Variants in SMYD3 observed in about 807,000 individuals in gnomAD.
SMYD3 encodes the protein histone-lysine N-methyltransferase SMYD3.
SMYD3 carries 36 observed loss-of-function variants against 57.7 expected under a neutral mutation model. The ratio of observed to expected loss-of-function variants is 0.62; its 90% CI spans 0.48 to 0.82. SMYD3 has a LOEUF of 0.82. SMYD3 is among the 40% of genes least tolerant of loss of function. SMYD3 has a pLI of 0.00. For missense variants in SMYD3, 515 were observed against 538.8 expected, an observed-to-expected ratio of 0.96 and a Z score of 0.44; for synonymous variants, 211 against 195.0, an observed-to-expected ratio of 1.08 and a Z score of -0.68.
intron 5 of SMYD3, among the ~76,000 whole-genome samples, chr1:246,247,463 CTCTA>C (rs71675748): frequency 0.13 from 13,651 of 104,892 alleles, 835 homozygotes; most frequent in East Asian, 0.26. Context: ...CTCTCTCTCT[CTCTA>C]TATATATATA....
chr1:246,302,881 T>A (rs1331061826), intron 5 of SMYD3, among the ~76,000 whole-genome samples: 1 of 151,960 alleles, frequency 6.6e-6, no homozygotes. Flanking sequence ...GACTCAGAGG[T>A]TACTTAAATG....
intron 5 of SMYD3, among the ~76,000 whole-genome samples, chr1:246,190,005 T>A (rs2062706135): frequency 6.6e-6 from 1 of 152,220 alleles, no homozygotes; most frequent in Admixed American, 6.5e-5. Context: ...TTGTGGAGTC[T>A]AATTTATTTC....
intron 5 of SMYD3, among the ~76,000 whole-genome samples, chr1:246,311,733 T>C (rs532369038): frequency 9.8e-5 from 15 of 152,350 alleles, no homozygotes; most frequent in Admixed American, 8.5e-4. Context: ...TTCATGACCC[T>C]CCTTCGTGTA....
chr1:245,821,003 T>C (rs1173764784), intron 10 of SMYD3, among the ~76,000 whole-genome samples: 4 of 151,092 alleles, frequency 2.6e-5, no homozygotes, highest in Non-Finnish European at 5.9e-5. Flanking sequence ...GCCATCCCCA[T>C]GAAGCTACCA....
chr1:246,231,574 A>G (rs2063409639), intron 5 of SMYD3, among the ~76,000 whole-genome samples: 1 of 152,256 alleles, frequency 6.6e-6, no homozygotes, highest in Admixed American at 6.5e-5. Context: ...CAGAAAAAAG[A>G]AGTTACTTTC....
At position 246,040,574 on chromosome 1, in the gene SMYD3, G is replaced by A. The variant is rs550598978; in HGVS notation, c.532-110637C>T. Reference sequence around the variant, plus strand: ...AGAGAAACAATTTAAGTTTAGCCACGTGGGGATAAATCCTTCTGGATGTCA... The same window carrying A: ...AGAGAAACAATTTAAGTTTAGCCACATGGGGATAAATCCTTCTGGATGTCA... On this transcript the variant is annotated intron_variant, in intron 5 of 11. Transcript: ENST00000490107. 1.8e-3 allele frequency among the ~76,000 whole-genome samples: 279 copies of A among 152,310 alleles called. 1 individual carries two copies. Among genetic ancestry groups the A allele is most frequent in the Non-Finnish European group, 2.4e-3 (164 of 68,032 alleles).
chr1:245,944,596 C>T (rs1019409215), intron 5 of SMYD3, among the ~76,000 whole-genome samples: 7 of 152,272 alleles, frequency 4.6e-5, no homozygotes, highest in Non-Finnish European at 8.8e-5. Flanking sequence ...ATGCTATTCC[C>T]ATTAAACTAC....
At chr1:246,051,095 A>G (rs910769892) in intron 5 of SMYD3, among the ~76,000 whole-genome samples, 1 of 151,934 alleles carries the variant, frequency 6.6e-6, no homozygotes, top group Non-Finnish European at 1.5e-5. Context: ...ATGTTTGTTA[A>G]GCAGAGCTTA....
intron 8 of SMYD3, among the ~76,000 whole-genome samples, chr1:245,908,777 C>A (rs2054756947): frequency 6.6e-6 from 1 of 152,040 alleles, no homozygotes. Context: ...TGAAAATGGA[C>A]ATACAACATA....
intron 5 of SMYD3, among the ~76,000 whole-genome samples, chr1:245,954,538 T>C (rs1419243666): frequency 1.3e-5 from 2 of 152,142 alleles, no homozygotes; most frequent in African/African-American, 4.8e-5. Context: ...TAGCCGAGCA[T>C]GCTGGCAGGC....
At chr1:246,319,803 T>C (rs373767164) in intron 5 of SMYD3, among the ~76,000 whole-genome samples, 2 of 152,332 alleles carry the variant, frequency 1.3e-5, no homozygotes, top group South Asian at 4.1e-4. Flanking sequence ...AAAAGCTGAA[T>C]ATAACATGAT....
At chr1:246,269,121 T>C (rs1468753019) in intron 5 of SMYD3, among the ~76,000 whole-genome samples, 2 of 152,170 alleles carry the variant, frequency 1.3e-5, no homozygotes, top group African/African-American at 4.8e-5. Flanking sequence ...CACCATACCA[T>C]CTAAAATGTA....
At chr1:246,197,055 A>G (rs2062838837) in intron 5 of SMYD3, among the ~76,000 whole-genome samples, 1 of 152,236 alleles carries the variant, frequency 6.6e-6, no homozygotes, top group South Asian at 2.1e-4. Context: ...AATCAACTGA[A>G]AAAGTTCCCT....
At chr1:245,954,934 G>T (rs943963631) in intron 5 of SMYD3, among the ~76,000 whole-genome samples, 15 of 151,778 alleles carry the variant, frequency 9.9e-5, no homozygotes, top group African/African-American at 3.6e-4. Flanking sequence ...AGAGAAACAG[G>T]AGATCTACCC....
chr1:246,328,289 A>G (rs1049858547), intron 4 of SMYD3, among the ~76,000 whole-genome samples: 2 of 152,210 alleles, frequency 1.3e-5, no homozygotes, highest in African/African-American at 2.4e-5. Context: ...TCTAACGCCA[A>G]TACTACCCCC....
chr1:246,037,205 T>G (rs76334632), intron 5 of SMYD3, among the ~76,000 whole-genome samples: 5 of 152,228 alleles, frequency 3.3e-5, no homozygotes, highest in Non-Finnish European at 7.3e-5. Context: ...GAATTTATAA[T>G]TTTGAAAGAT....
chr1:246,233,683 C>T (rs1400743546), intron 5 of SMYD3, among the ~76,000 whole-genome samples: 428 of 135,546 alleles, frequency 3.2e-3, no homozygotes, highest in Non-Finnish European at 3.9e-3. Flanking sequence ...GAGAAGCACT[C>T]CTTCAATTCA....
At chr1:245,938,341 C>A (rs2057067262) in intron 5 of SMYD3, among the ~76,000 whole-genome samples, 1 of 152,188 alleles carries the variant, frequency 6.6e-6, no homozygotes, top group African/African-American at 2.4e-5. Flanking sequence ...CCTTGGGGGG[C>A]CACTCCTTCT....
rs1011468408 is a variant in SMYD3, at chr1:246,203,389, C to T, written c.531+123812G>A. ...ACGCCAGCACCTCCCCATGGTTGTTCGCTAGAGCTGCCATAACAGAATACT... is the reference window on the plus strand; with the variant it reads ...ACGCCAGCACCTCCCCATGGTTGTTTGCTAGAGCTGCCATAACAGAATACT... On this transcript the variant is annotated intron_variant, in intron 5 of 11. Coordinates refer to ENST00000490107, the MANE Select transcript of SMYD3 (RefSeq NM_001167740.2). The surrounding 1 kb of genome is among the most constrained non-coding windows in gnomAD (Gnocchi z 4.6). Among the ~76,000 whole-genome samples, 3 of 152,196 alleles carry T rather than the reference C, an allele frequency of 2.0e-5. No individual in the cohort carries two copies. Among genetic ancestry groups the T allele is most frequent in the Admixed American group, 1.3e-4 (2 of 15,286 alleles).
Sources: gnomAD v4.1 joint callset for allele counts (sites outside exome capture counted in the v4.1 genomes callset) on GRCh38, gnomAD v4.1.1 for gene constraint, Gnocchi (gnomAD v3.1) non-coding constraint, MANE v1.5 for transcripts, NCBI Gene and HGNC (gene_info 2026-07-23, HGNC 2026-07-21) for gene names.